The following CTNNBIP1 variants were observed in gnomAD, a reference collection of about 807,000 sequenced individuals.
CTNNBIP1 encodes catenin beta interacting protein 1, also known as beta-catenin-interacting protein 1.
CTNNBIP1 carries 7 observed loss-of-function variants against 11.8 expected under a neutral mutation model. The observed-to-expected ratio is 0.60, with a 90% CI of 0.34 to 1.12. The LOEUF (loss-of-function observed/expected upper bound fraction) is 1.12, where lower values mean the gene tolerates loss of function less well. CTNNBIP1 is among the 50% of genes most tolerant of loss of function. The pLI, the probability that CTNNBIP1 is intolerant of heterozygous loss-of-function variation, is 0.03. For missense variants in CTNNBIP1, 101 were observed against 113.4 expected (o/e 0.89, Z 0.50); for synonymous variants, 58 against 43.9 (o/e 1.32, Z -1.26).
chr1:9,865,161 G>A (rs1638716070), intron 5 of CTNNBIP1, among the ~76,000 whole-genome samples: 1 of 151,976 alleles, frequency 6.6e-6, no homozygotes, highest in Non-Finnish European at 1.5e-5. Flanking sequence ...CCTGTGAGGT[G>A]GAGGTTGCAG....
At chr1:9,860,265 C>T (rs767334714) in intron 5 of CTNNBIP1, among the ~76,000 whole-genome samples, 5 of 152,000 alleles carry the variant, frequency 3.3e-5, no homozygotes, top group Admixed American at 1.3e-4. Flanking sequence ...ACTTCAGTCA[C>T]AGATGGACAC....
chr1:9,857,501 A>G (rs183182387), intron 5 of CTNNBIP1, among the ~76,000 whole-genome samples: 7 of 151,926 alleles, frequency 4.6e-5, no homozygotes, highest in African/African-American at 1.2e-4. Context: ...AAAAAAAAAA[A>G]AAAAAAGGCC....
chr1:9,850,752 A>C lies in CTNNBIP1; in HGVS notation c.212T>G (p.Phe71Cys). ...DQGAEDVVMA[F>C]SRSETEDRRQ Reference sequence around the variant, plus strand: ...CCGGTCTTCCGTCTCCGACCTGGAAAACGCCATCACCACGTCCTCTGCACC... The same window carrying C: ...CCGGTCTTCCGTCTCCGACCTGGAACACGCCATCACCACGTCCTCTGCACC... Residue 71 changes from phenylalanine to cysteine, a missense_variant, in exon 6 of 6, where the codon TTT (phenylalanine) becomes TGT (cysteine). Coordinates refer to ENST00000377263, the MANE Select transcript of CTNNBIP1 (RefSeq NM_020248.3). 6.2e-7 allele frequency: 1 copy of C among 1,613,900 alleles called. No individual in the cohort carries two copies. The highest frequency in any genetic ancestry group is 8.5e-7 in the Non-Finnish European group (1 of 1,179,882).
At chr1:9,860,370 C>A (rs1401437411) in intron 5 of CTNNBIP1, among the ~76,000 whole-genome samples, 1 of 143,288 alleles carries the variant, frequency 7.0e-6, no homozygotes, top group East Asian at 2.1e-4. Context: ...GCGGGTGGAT[C>A]ACCTGAGGTC....
rs993180931 is a variant in CTNNBIP1, at chr1:9,872,270, G to A, written c.-24-182C>T. On this transcript the variant is annotated intron_variant, in intron 3 of 5. Transcript: ENST00000377263. The surrounding 1 kb of genome is among the most constrained non-coding windows in gnomAD (Gnocchi z 4.0). ...TTTCTCACCCATGCTGGTCCCAGCAGGCTGAACTGAGCAGCTCTGTTCTCC... is the reference window on the plus strand; with the variant it reads ...TTTCTCACCCATGCTGGTCCCAGCAAGCTGAACTGAGCAGCTCTGTTCTCC... Among the ~76,000 whole-genome samples, 1 of 152,244 alleles carries A rather than the reference G, an allele frequency of 6.6e-6. No homozygotes were observed. Among genetic ancestry groups the A allele is most frequent in the African/African-American group, 2.4e-5 (1 of 41,466 alleles).
At chr1:9,898,059 G>T (rs1300733251) in intron 1 of CTNNBIP1, among the ~76,000 whole-genome samples, 6 of 151,398 alleles carry the variant, frequency 4.0e-5, no homozygotes, top group Non-Finnish European at 8.8e-5. Flanking sequence ...AGGATGCAGT[G>T]AGCTGAGATC....
At chr1:9,908,290 C>A (rs1570606824) in intron 1 of CTNNBIP1, among the ~76,000 whole-genome samples, 1 of 151,880 alleles carries the variant, frequency 6.6e-6, no homozygotes. Flanking sequence ...AACTCCTGAC[C>A]TCGTGATCTG....
rs1638770845 is a variant in CTNNBIP1 at position 9,867,456 on chromosome 1, G to C, written c.187+3731C>G. On this transcript the variant is annotated intron_variant, in intron 5 of 5. Transcript: ENST00000377263. The surrounding 1 kb of genome is among the most constrained non-coding windows in gnomAD (Gnocchi z 4.6). ...CTCAAGTAAGGGAGCAGTGCCCCAG[G>C]TACCAGACCCATCCAGCCCTGGAGG... Among the ~76,000 whole-genome samples, 1 of 152,184 alleles carries C rather than the reference G, an allele frequency of 6.6e-6. No homozygotes were observed. Among genetic ancestry groups the C allele is most frequent in the African/African-American group, 2.4e-5 (1 of 41,456 alleles).
At position 9,871,109 on chromosome 1, in the gene CTNNBIP1, C is replaced by T; in HGVS notation, c.187+78G>A. ...GATCACCCATCAAAGAGGGCTGGAG[C>T]TACGCTTTCTAAGGGAACCACAAGT... is the stretch of plus-strand genomic sequence containing the variant. On this transcript the variant is annotated intron_variant, in intron 5 of 5. Transcript: ENST00000377263. This position sits in a 1 kb window ranked among gnomAD's most constrained non-coding sequence, Gnocchi z 5.2. 4 of 1,094,406 alleles carry T rather than the reference C, an allele frequency of 3.7e-6. No homozygotes were observed. The highest frequency in any genetic ancestry group is 5.3e-6 in the Non-Finnish European group (4 of 751,862). The allele number at this position is 1,094,406 out of a possible 1,614,324, so 67.8% of individuals were successfully genotyped here. A position where few individuals can be genotyped will look rare whatever the true frequency, so the allele number is the denominator to read the frequency against.
intron 5 of CTNNBIP1, among the ~76,000 whole-genome samples, chr1:9,865,595 C>T (rs1319087569): frequency 6.6e-6 from 1 of 151,928 alleles, no homozygotes; most frequent in East Asian, 1.9e-4. Flanking sequence ...CAGAGCGAGA[C>T]TCTGTCTCAA....
At chr1:9,885,191 G>A (rs1639159555) in intron 1 of CTNNBIP1, among the ~76,000 whole-genome samples, 1 of 152,124 alleles carries the variant, frequency 6.6e-6, no homozygotes, top group African/African-American at 2.4e-5. Context: ...AACAGGGAGC[G>A]CACTGTGGGA....
intron 1 of CTNNBIP1, among the ~76,000 whole-genome samples, chr1:9,891,469 G>A (rs2101527068): frequency 6.6e-6 from 1 of 152,322 alleles, no homozygotes; most frequent in Middle Eastern, 3.4e-3. Flanking sequence ...GGCTGGGAAA[G>A]CCTCCAGCTT....
chr1:9,883,954 C>T lies in CTNNBIP1; in HGVS notation c.-143-216G>A, dbSNP rs925400650. ...AGGAAGAAGGTGGGGGAACGGGAGT[C>T]TGAAGATGCTGTGGGCAGGAGGGAG... is the stretch of plus-strand genomic sequence containing the variant. On this transcript the variant is annotated intron_variant, in intron 1 of 5. Transcript: ENST00000377263. The surrounding 1 kb of genome is among the most constrained non-coding windows in gnomAD (Gnocchi z 5.6). Among the ~76,000 whole-genome samples the T allele has an allele frequency of 6.6e-6, 1 of 152,002 alleles. No homozygotes were observed.
intron 5 of CTNNBIP1, among the ~76,000 whole-genome samples, chr1:9,859,814 A>C (rs1638585038): frequency 6.6e-6 from 1 of 152,204 alleles, no homozygotes; most frequent in African/African-American, 2.4e-5. Context: ...CTAGCTCCTA[A>C]TTTGCAAACT....
chr1:9,886,152 C>G (rs905547572), intron 1 of CTNNBIP1, among the ~76,000 whole-genome samples: 1 of 152,068 alleles, frequency 6.6e-6, no homozygotes, highest in African/African-American at 2.4e-5. Context: ...CCCAGCTGCC[C>G]GTCAGTCCCC....
At chr1:9,886,257 A>C (rs1570587536) in intron 1 of CTNNBIP1, among the ~76,000 whole-genome samples, 1 of 152,056 alleles carries the variant, frequency 6.6e-6, no homozygotes, top group Non-Finnish European at 1.5e-5. Context: ...AACACTTCTC[A>C]GCAGGGTGCC....
intron 3 of CTNNBIP1, among the ~76,000 whole-genome samples, chr1:9,875,800 C>G (rs1638955366): frequency 6.6e-6 from 1 of 152,166 alleles, no homozygotes; most frequent in East Asian, 1.9e-4. Context: ...ATGTTCCCAC[C>G]CTTCCCATTC....
chr1:9,903,548 T>G (rs1323838619), intron 1 of CTNNBIP1, among the ~76,000 whole-genome samples: 1 of 152,230 alleles, frequency 6.6e-6, no homozygotes, highest in African/African-American at 2.4e-5. Context: ...CAGAGCATAA[T>G]AGGTCTTTAA....
At chr1:9,856,147 C>CA (rs202190670) in intron 5 of CTNNBIP1, among the ~76,000 whole-genome samples, 3,882 of 145,084 alleles carry the variant, frequency 0.027, 143 homozygotes, top group South Asian at 0.14. Flanking sequence ...GACTCTGTCT[C>CA]AAAAAAAAAA....
Sources: gnomAD v4.1 joint callset for allele counts (sites outside exome capture counted in the v4.1 genomes callset) on GRCh38, gnomAD v4.1.1 for gene constraint, Gnocchi (gnomAD v3.1) non-coding constraint, MANE v1.5 for transcripts, NCBI Gene and HGNC (gene_info 2026-07-23, HGNC 2026-07-21) for gene names.